LDLRAD3: variants seen among roughly 807,000 people sequenced by gnomAD.
The protein encoded by LDLRAD3 is low-density lipoprotein receptor class A domain-containing protein 3.
LDLRAD3 carries 20 observed loss-of-function variants against 29.4 expected under a neutral mutation model. That is an observed-to-expected ratio of 0.68 (90% CI 0.48 to 0.99). The LOEUF (loss-of-function observed/expected upper bound fraction) is 0.99, where lower values mean the gene tolerates loss of function less well. LDLRAD3 is among the 50% of genes least tolerant of loss of function. The probability of loss-of-function intolerance (pLI) is 0.00; values close to 1 mark genes in which losing one functional copy is unlikely to be tolerated. For synonymous variants in LDLRAD3, 157 were observed against 192.7 expected (o/e 0.81, Z 1.53); for missense variants, 420 against 454.3 (o/e 0.92, Z 0.69).
intron 4 of LDLRAD3, among the ~76,000 whole-genome samples, chr11:36,156,025 C>A (rs901725994): frequency 2.0e-5 from 3 of 152,166 alleles, no homozygotes; most frequent in Admixed American, 1.3e-4. Context: ...GGTTCTCAAT[C>A]CTAGTTGCAC....
intron 2 of LDLRAD3, among the ~76,000 whole-genome samples, chr11:36,037,466 C>G (rs1852319279): frequency 1.3e-5 from 2 of 152,130 alleles, no homozygotes; most frequent in Non-Finnish European, 2.9e-5. Flanking sequence ...AGGCACCCAC[C>G]ACCGTGCCCA....
chr11:36,177,413 T>C (rs1476723245), intron 4 of LDLRAD3, among the ~76,000 whole-genome samples: 2 of 152,186 alleles, frequency 1.3e-5, no homozygotes, highest in Non-Finnish European at 2.9e-5. Context: ...ATTACCAGAA[T>C]TGTTTTTCTG....
chr11:36,176,496 G>A (rs12418105), intron 4 of LDLRAD3, among the ~76,000 whole-genome samples: 1 of 150,946 alleles, frequency 6.6e-6, no homozygotes, highest in Admixed American at 6.6e-5. Flanking sequence ...AGCAGTTGTT[G>A]TAAGTGCTGG....
chr11:35,947,854 G>A (rs1031709453), intron 1 of LDLRAD3, among the ~76,000 whole-genome samples: 1 of 152,176 alleles, frequency 6.6e-6, no homozygotes, highest in Non-Finnish European at 1.5e-5. Context: ...TTGACACAGT[G>A]AGATTGTTTA....
chr11:36,132,353 G>A (rs2133307065), intron 4 of LDLRAD3, among the ~76,000 whole-genome samples: 1 of 152,342 alleles, frequency 6.6e-6, no homozygotes, highest in East Asian at 1.9e-4. Context: ...GTGACTGTGT[G>A]TGTGTGTACA....
intron 1 of LDLRAD3, among the ~76,000 whole-genome samples, chr11:36,023,322 G>A (rs1017691516): frequency 4.6e-5 from 7 of 152,106 alleles, no homozygotes; most frequent in Non-Finnish European, 1.0e-4. Context: ...TGTGATTCCC[G>A]TCCCTTTGGA....
intron 4 of LDLRAD3, among the ~76,000 whole-genome samples, chr11:36,172,268 A>G (rs978263409): frequency 1.3e-5 from 2 of 152,184 alleles, no homozygotes; most frequent in Non-Finnish European, 2.9e-5. Flanking sequence ...TGATCATATC[A>G]TAAGTGAAGA....
At chr11:36,125,555 G>A (rs922752992) in intron 4 of LDLRAD3, among the ~76,000 whole-genome samples, 7 of 152,128 alleles carry the variant, frequency 4.6e-5, no homozygotes, top group Non-Finnish European at 1.0e-4. Flanking sequence ...ATTTCTAATC[G>A]CAGAAGGGTA....
intron 4 of LDLRAD3, among the ~76,000 whole-genome samples, chr11:36,132,733 A>G (rs1853944169): frequency 6.6e-6 from 1 of 152,210 alleles, no homozygotes; most frequent in Non-Finnish European, 1.5e-5. Context: ...AGGACCTTAC[A>G]TAGTGCTTGT....
intron 4 of LDLRAD3, among the ~76,000 whole-genome samples, chr11:36,162,969 C>A (rs1351407818): frequency 6.6e-6 from 1 of 152,180 alleles, no homozygotes; most frequent in East Asian, 1.9e-4. Context: ...CAAATACAGA[C>A]CCAAGAGACC....
chr11:36,096,393 C>T (rs1421276129), intron 3 of LDLRAD3, among the ~76,000 whole-genome samples: 1 of 152,106 alleles, frequency 6.6e-6, no homozygotes, highest in African/African-American at 2.4e-5. Flanking sequence ...AGCAACATAG[C>T]AATCTTCTGT....
intron 3 of LDLRAD3, among the ~76,000 whole-genome samples, chr11:36,086,295 G>C (rs1298723536): frequency 1.3e-5 from 2 of 152,038 alleles, no homozygotes; most frequent in Admixed American, 6.5e-5. Flanking sequence ...AGATTTTCTT[G>C]GTTCTTAATA....
rs973686051 is a variant in LDLRAD3 at position 36,176,500 on chromosome 11, G to C, written c.455-50585G>C. On this transcript the variant is annotated intron_variant, in intron 4 of 5. Coordinates refer to ENST00000315571, the MANE Select transcript of LDLRAD3 (RefSeq NM_174902.4). ...GAACTCCTTTTAGCAGTTGTTGTAAGTGCTGGCTTGGTAGTGGTGAATTGT... is the reference window on the plus strand; with the variant it reads ...GAACTCCTTTTAGCAGTTGTTGTAACTGCTGGCTTGGTAGTGGTGAATTGT... Among the ~76,000 whole-genome samples, 17 of 151,804 alleles carry C rather than the reference G, an allele frequency of 1.1e-4. No individual in the cohort carries two copies. In the East Asian group the frequency reaches 2.9e-3, roughly 26 times the overall value.
intron 1 of LDLRAD3, among the ~76,000 whole-genome samples, chr11:35,948,019 G>C (rs1851080642): frequency 6.6e-6 from 1 of 152,140 alleles, no homozygotes; most frequent in Non-Finnish European, 1.5e-5. Context: ...AACTTTTTCA[G>C]ACTAACTCTG....
intron 1 of LDLRAD3, among the ~76,000 whole-genome samples, chr11:35,961,567 C>A (rs1237163671): frequency 6.6e-6 from 1 of 152,180 alleles, no homozygotes; most frequent in African/African-American, 2.4e-5. Flanking sequence ...CTTACCAATC[C>A]ATGCCGAGAC....
At chr11:36,101,312 G>A (rs968924504) in intron 4 of LDLRAD3, among the ~76,000 whole-genome samples, 1 of 152,238 alleles carries the variant, frequency 6.6e-6, no homozygotes, top group South Asian at 2.1e-4. Flanking sequence ...AAATCCTGCC[G>A]AACCTACGTG....
intron 2 of LDLRAD3, among the ~76,000 whole-genome samples, chr11:36,068,488 C>T (rs57245105): frequency 0.018 from 2,776 of 152,230 alleles, 79 homozygotes; most frequent in African/African-American, 0.064. Flanking sequence ...TCAGTGATTA[C>T]GTGGTGGAAC....
chr11:36,121,115 T>C (rs1853749455), intron 4 of LDLRAD3, among the ~76,000 whole-genome samples: 1 of 152,174 alleles, frequency 6.6e-6, no homozygotes. Context: ...CAGGGCATCA[T>C]AGACACTCAA....
chr11:36,218,452 A>C (rs1298017385), intron 4 of LDLRAD3, among the ~76,000 whole-genome samples: 1 of 152,202 alleles, frequency 6.6e-6, no homozygotes, highest in Admixed American at 6.5e-5. Context: ...GACTTGTGGG[A>C]GTATTGCAAA....
Sources: allele counts gnomAD v4.1 joint callset (sites outside exome capture counted in the v4.1 genomes callset), GRCh38; gene constraint gnomAD v4.1.1; transcripts MANE v1.5; gene names NCBI Gene and HGNC (gene_info 2026-07-23, HGNC 2026-07-21).